The following SRP72 variants were observed in gnomAD, a reference collection of about 807,000 sequenced individuals.
SRP72 encodes the protein signal recognition particle subunit SRP72.
In SRP72, 49 loss-of-function variants were observed where a neutral mutation model predicts 96.3. The observed-to-expected ratio is 0.51, with a 90% confidence interval of 0.40 to 0.65. The LOEUF is 0.65. SRP72 is among the 30% of genes least tolerant of loss of function. The pLI, the probability that SRP72 is intolerant of heterozygous loss-of-function variation, is 0.00. For missense variants in SRP72, 736 were observed against 793.3 expected (o/e 0.93, Z 0.87); for synonymous variants, 267 against 275.2 (o/e 0.97, Z 0.30).
intron 18 of SRP72, among the ~76,000 whole-genome samples, 174 bp from the exon 19 acceptor site, chr4:56,501,509 CA>C (rs1179154855): frequency 5.9e-5 from 9 of 152,062 alleles, no homozygotes; most frequent in Admixed American, 1.3e-4. Context: ...TCAATAAAAA[CA>C]GTGAAAATGT....
intron 1 of SRP72, among the ~76,000 whole-genome samples, chr4:56,467,948 C>G (rs765019536): frequency 6.6e-6 from 1 of 152,216 alleles, no homozygotes; most frequent in South Asian, 2.1e-4. Flanking sequence ...CCTGGGGTCC[C>G]TGGTTGCTTA....
At chr4:56,497,226 T>TA (rs1421121169) in intron 17 of SRP72, among the ~76,000 whole-genome samples, 89 of 147,938 alleles carry the variant, frequency 6.0e-4, no homozygotes, top group African/African-American at 2.1e-3. Context: ...ATTTATTTAT[T>TA]TTTTTTTTTT....
chr4:56,492,248 TC>T (rs1393998304), intron 16 of SRP72, among the ~76,000 whole-genome samples: 1 of 152,226 alleles, frequency 6.6e-6, no homozygotes, highest in African/African-American at 2.4e-5. Flanking sequence ...TGCATAACAC[TC>T]CATAGGCTGG....
At chr4:56,474,415 T>C (rs761477861) in intron 5 of SRP72, 24 bp downstream of exon 5, 13 of 1,594,050 alleles carry the variant, frequency 8.2e-6, no homozygotes, top group Non-Finnish European at 1.1e-5. Flanking sequence ...TAAACTTATC[T>C]GTAAATATAA....
chr4:56,498,992 A>C (rs1023264785), intron 17 of SRP72, among the ~76,000 whole-genome samples: 2 of 152,368 alleles, frequency 1.3e-5, no homozygotes, highest in African/African-American at 4.8e-5. Context: ...AGCTGGACGC[A>C]TCATGCTACC....
chr4:56,490,705 AT>A, intron 15 of SRP72, 60 bp downstream of exon 15: 1 of 1,416,802 alleles, frequency 7.1e-7, no homozygotes, highest in Non-Finnish European at 9.8e-7. Flanking sequence ...CTCTTCTGAT[AT>A]CTGTGTTTTG....
At position 56,501,833 on chromosome 4, in the gene SRP72, A is replaced by G; in HGVS notation, c.1988A>G (p.Lys663Arg). 1 of 1,614,164 alleles carries G rather than the reference A, an allele frequency of 6.2e-7. No individual in the cohort carries two copies. Among genetic ancestry groups the G allele is most frequent in the Non-Finnish European group, 8.5e-7 (1 of 1,180,024 alleles). Residue 663 changes from lysine to arginine, a missense_variant, in exon 19 of 19, where the codon AAG (lysine) becomes AGG (arginine). Lys to Arg is a conservative substitution (Grantham distance 26). Around this residue, in one of 3 missense-constraint regions of SRP72, gnomAD observed 388 missense variants for 431.8 expected, o/e 0.90. Coordinates refer to ENST00000642900, the MANE Select transcript of SRP72 (RefSeq NM_006947.4). ...PATKKKQQQK[K>R]KKGGKGGW Reference sequence around the variant, plus strand: ...ACAAAAAAGAAACAGCAACAGAAAAAGAAGAAAGGTGGAAAAGGTGGCTGG... The same window carrying G: ...ACAAAAAAGAAACAGCAACAGAAAAGGAAGAAAGGTGGAAAAGGTGGCTGG...
At chr4:56,471,929 G>C in intron 3 of SRP72, 86 bp downstream of exon 3, 1 of 1,524,874 alleles carries the variant, frequency 6.6e-7, no homozygotes, top group Non-Finnish European at 8.9e-7. Flanking sequence ...AGGAAACCCA[G>C]CCCATCCTGA....
intron 8 of SRP72, among the ~76,000 whole-genome samples, chr4:56,479,029 C>T (rs17086832): frequency 0.25 from 37,415 of 151,766 alleles, 4,971 homozygotes; most frequent in Admixed American, 0.37. Context: ...ATATAATTTT[C>T]TCTCGGGTTT....
At chr4:56,497,380 C>A (rs1721114492) in intron 17 of SRP72, among the ~76,000 whole-genome samples, 1 of 151,724 alleles carries the variant, frequency 6.6e-6, no homozygotes, top group Non-Finnish European at 1.5e-5. Flanking sequence ...CCACCACGCC[C>A]AGCTAATTTT....
At chr4:56,475,681 T>C (rs1316433807) in intron 5 of SRP72, 1 of 152,200 alleles carries the variant, frequency 6.6e-6, no homozygotes. Flanking sequence ...TATAATTTCT[T>C]GATCATACCC....
chr4:56,498,591 A>G (rs1052510474), intron 17 of SRP72, among the ~76,000 whole-genome samples: 2 of 152,230 alleles, frequency 1.3e-5, no homozygotes, highest in African/African-American at 2.4e-5. Flanking sequence ...CACAAAATCA[A>G]TGTGCAAAAA....
chr4:56,498,135 G>A (rs1721141806), intron 17 of SRP72, among the ~76,000 whole-genome samples: 1 of 151,896 alleles, frequency 6.6e-6, no homozygotes, highest in Admixed American at 6.6e-5. Flanking sequence ...TTTTATAGAT[G>A]TATCTGTGAA....
At chr4:56,469,508 C>A in intron 1 of SRP72, 145 bp from the exon 2 acceptor site, 1 of 634,858 alleles carries the variant, frequency 1.6e-6, no homozygotes, top group Non-Finnish European at 2.4e-6. Context: ...TGTTTTGTTG[C>A]TGTTTCTTCC....
Position 56,483,358 on chromosome 4 carries a change from GT to G in SRP72, c.957+93del. ...GGGATATTAGTCTAATCTTTTTATA[GT>G]TTTTGTTTGTATTTTGTCTTCAACT... On this transcript the variant is annotated intron_variant, in intron 9 of 18. Transcript: ENST00000642900. 3 of 1,328,940 alleles carry G rather than the reference GT, an allele frequency of 2.3e-6. No individual in the cohort carries two copies. The South Asian group carries it at 4.1e-5, about 18-fold the overall frequency. 82.3% of individuals were successfully genotyped at this position (1,328,940 alleles called of 1,614,324 possible). A position where few individuals can be genotyped will look rare whatever the true frequency, so the allele number is the denominator to read the frequency against.
At chr4:56,498,933 G>C (rs1257179886) in intron 17 of SRP72, among the ~76,000 whole-genome samples, 1 of 152,078 alleles carries the variant, frequency 6.6e-6, no homozygotes, top group Non-Finnish European at 1.5e-5. Context: ...ATTTCATATG[G>C]AACCAAAAAA....
chr4:56,479,183 T>G (rs1050371689), intron 8 of SRP72, among the ~76,000 whole-genome samples: 1 of 151,502 alleles, frequency 6.6e-6, no homozygotes, highest in Non-Finnish European at 1.5e-5. Context: ...CACTCTTTTT[T>G]GTTTTGTTTT....
Position 56,490,665 on chromosome 4 carries a change from T to G in SRP72, c.1502+20T>G, listed in dbSNP as rs1720874522. Reference sequence around the variant, plus strand: ...CAAAGCGTATCCTTTTGATTGTTATTCCTTACAGCTCCTCAGTAGCACAAT... The same window carrying G: ...CAAAGCGTATCCTTTTGATTGTTATGCCTTACAGCTCCTCAGTAGCACAAT... On this transcript the variant is annotated intron_variant, in intron 15 of 18. Coordinates refer to ENST00000642900, the MANE Select transcript of SRP72 (RefSeq NM_006947.4). The G allele has an allele frequency of 2.5e-6, 4 of 1,587,606 alleles. No individual in the cohort carries two copies.
intron 13 of SRP72, 74 bp from the exon 14 acceptor site, chr4:56,490,259 C>A (rs1217574471): frequency 1.7e-6 from 2 of 1,177,856 alleles, no homozygotes; most frequent in Non-Finnish European, 2.4e-6. Context: ...TCTTAAAGGT[C>A]TAATGAATAT....
Sources: gnomAD v4.1 joint callset for allele counts (sites outside exome capture counted in the v4.1 genomes callset) on GRCh38, gnomAD v4.1.1 for gene constraint, gnomAD v4.1.1 regional missense constraint, MANE v1.5 for transcripts, NCBI Gene and HGNC (gene_info 2026-07-23, HGNC 2026-07-21) for gene names.